The following TRHDE variants were observed in gnomAD, a reference collection of about 807,000 sequenced individuals.
The protein encoded by TRHDE is thyrotropin releasing hormone degrading enzyme.
A neutral mutation model predicts 125.7 loss-of-function variants in TRHDE; 72 were observed. The ratio of observed to expected loss-of-function variants is 0.57; its 90% CI spans 0.47 to 0.70. The LOEUF is 0.70. Among genes scored for constraint, TRHDE ranks in the 30% least tolerant of loss-of-function variants. TRHDE has a pLI of 0.00. For synonymous variants in TRHDE, 509 were observed against 509.1 expected (o/e 1.00, Z 0.00); for missense variants, 1,110 against 1,327.1 (o/e 0.84, Z 2.54).
chr12:72,104,373 G>C (rs1875135267), intron 1 of TRHDE, among the ~76,000 whole-genome samples: 1 of 152,264 alleles, frequency 6.6e-6, no homozygotes, highest in South Asian at 2.1e-4. Flanking sequence ...AGAGAATAGA[G>C]AGGGTAAAGC....
chr12:72,542,245 T>C (rs560117573), intron 6 of TRHDE, 46 bp from the exon 7 acceptor site: 2 of 1,441,784 alleles, frequency 1.4e-6, no homozygotes, highest in African/African-American at 1.4e-5. Flanking sequence ...TTTACAATCA[T>C]GATACTTTGT....
At chr12:72,516,927 G>A (rs1393983458) in intron 6 of TRHDE, among the ~76,000 whole-genome samples, 2 of 152,088 alleles carry the variant, frequency 1.3e-5, no homozygotes, top group Admixed American at 6.5e-5. Flanking sequence ...CTTTGGTTCT[G>A]TTTATATGCG....
chr12:72,196,225 T>C (rs1255779455), intron 2 of TRHDE, among the ~76,000 whole-genome samples: 1 of 152,132 alleles, frequency 6.6e-6, no homozygotes. Context: ...TTTGGTTCCA[T>C]ATGAATTTTA....
intron 10 of TRHDE, among the ~76,000 whole-genome samples, chr12:72,574,899 T>C: frequency 6.6e-6 from 1 of 152,212 alleles, no homozygotes; most frequent in South Asian, 2.1e-4. Flanking sequence ...ACCTCTTCTT[T>C]CATTCTAGTG....
At chr12:72,223,945 A>G (rs1233284887) in intron 2 of TRHDE, among the ~76,000 whole-genome samples, 1 of 151,004 alleles carries the variant, frequency 6.6e-6, no homozygotes, top group African/African-American at 2.4e-5. Context: ...TTTCTGGGCT[A>G]CTCTATCCCT....
At chr12:72,403,664 G>A (rs1873141355) in intron 3 of TRHDE, among the ~76,000 whole-genome samples, 1 of 152,166 alleles carries the variant, frequency 6.6e-6, no homozygotes, top group Non-Finnish European at 1.5e-5. Context: ...ACCTGGATTA[G>A]ATGCTGGAGT....
intron 2 of TRHDE, among the ~76,000 whole-genome samples, chr12:72,336,654 A>C (rs1869842051): frequency 6.6e-6 from 1 of 152,202 alleles, no homozygotes; most frequent in Admixed American, 6.5e-5. Flanking sequence ...GTCCAAAAGC[A>C]TGATGCCCAG....
intron 7 of TRHDE, 123 bp downstream of exon 7, chr12:72,542,479 A>G (rs776351310): frequency 3.0e-6 from 2 of 661,768 alleles, no homozygotes; most frequent in Admixed American, 5.9e-5. Flanking sequence ...TAAGTTAAGC[A>G]ATGTCTTTCT....
chr12:72,164,514 T>C (rs1212350294), intron 2 of TRHDE, among the ~76,000 whole-genome samples: 1 of 152,152 alleles, frequency 6.6e-6, no homozygotes, highest in African/African-American at 2.4e-5. Context: ...TGAACAGAAC[T>C]ACCTTACTTA....
Position 72,415,373 on chromosome 12 carries a change from T to G in TRHDE, c.1315+37252T>G, listed in dbSNP as rs79094842. On this transcript the variant is annotated intron_variant, in intron 3 of 18. Coordinates refer to ENST00000261180, the MANE Select transcript of TRHDE (RefSeq NM_013381.3). The stretch of plus-strand genomic sequence containing the variant: ...CACCTCAAACATTTATCATTTTTTT[T>G]GTTAGGAACATTCTAATCATTCTTT... Among the ~76,000 whole-genome samples the G allele has an allele frequency of 4.9e-3, 747 of 152,266 alleles. 11 individuals carry two copies. The highest frequency in any genetic ancestry group is 0.017 in the African/African-American group (707 of 41,568).
At chr12:72,384,411 T>C (rs1437332721) in intron 3 of TRHDE, among the ~76,000 whole-genome samples, 1 of 152,188 alleles carries the variant, frequency 6.6e-6, no homozygotes, top group East Asian at 1.9e-4. Context: ...AATGAATGAA[T>C]TAGAGACTCG....
At chr12:72,629,334 GGTGAT>G (rs1313311953) in intron 15 of TRHDE, among the ~76,000 whole-genome samples, 1 of 151,522 alleles carries the variant, frequency 6.6e-6, no homozygotes, top group African/African-American at 2.4e-5. Context: ...CTTTTTTGAA[GGTGAT>G]GTGATTTAAT....
chr12:72,238,297 T>C (rs192813026), intron 2 of TRHDE, among the ~76,000 whole-genome samples: 11 of 31,036 alleles, frequency 3.5e-4, no homozygotes, highest in South Asian at 1.1e-3. Flanking sequence ...TATATATATA[T>C]ATATATATAT....
At chr12:72,485,758 C>T (rs974439266) in intron 5 of TRHDE, among the ~76,000 whole-genome samples, 2 of 152,180 alleles carry the variant, frequency 1.3e-5, no homozygotes, top group African/African-American at 4.8e-5. Flanking sequence ...GATGTAACAT[C>T]TTGTTTCCTG....
chr12:72,186,946 TA>T (rs1336235366), intron 2 of TRHDE, among the ~76,000 whole-genome samples: 1 of 152,082 alleles, frequency 6.6e-6, no homozygotes, highest in Non-Finnish European at 1.5e-5. Flanking sequence ...AATTAGATGA[TA>T]GAAACTATCA....
intron 2 of TRHDE, among the ~76,000 whole-genome samples, chr12:72,131,065 AT>A (rs757285511): frequency 0.019 from 2,030 of 105,512 alleles, 3 homozygotes; most frequent in African/African-American, 0.026. Context: ...ACTTAATGTA[AT>A]TTTTTTTTTT....
intron 5 of TRHDE, among the ~76,000 whole-genome samples, chr12:72,484,278 A>C (rs1401590062): frequency 6.6e-6 from 1 of 152,210 alleles, no homozygotes; most frequent in African/African-American, 2.4e-5. Flanking sequence ...GAAATGTCCT[A>C]TCAGATTGTT....
Position 72,388,562 on chromosome 12 carries a change from GA to G in TRHDE, c.1315+10443del, listed in dbSNP as rs150094216. 1.8e-4 allele frequency among the ~76,000 whole-genome samples: 28 copies of G among 152,260 alleles called. No homozygotes were observed. In the East Asian group the frequency reaches 3.5e-3, roughly 19 times the overall value. Reference sequence around the variant, plus strand: ...ATTTTCACAACACAGGAGAGAAAGAGAAGGCAAAGCTTCAGCTGCTGTGTAA... The same window carrying G: ...ATTTTCACAACACAGGAGAGAAAGAGAGGCAAAGCTTCAGCTGCTGTGTAA... On this transcript the variant is annotated intron_variant, in intron 3 of 18. Transcript: ENST00000261180.
intron 2 of TRHDE, among the ~76,000 whole-genome samples, chr12:72,112,858 T>C (rs1212419424): frequency 6.6e-6 from 1 of 152,138 alleles, no homozygotes; most frequent in Non-Finnish European, 1.5e-5. Flanking sequence ...TGTGATCGTT[T>C]TACATTTTGT....
Sources: gnomAD v4.1 joint callset for allele counts (sites outside exome capture counted in the v4.1 genomes callset) on GRCh38, gnomAD v4.1.1 for gene constraint, MANE v1.5 for transcripts, NCBI Gene and HGNC (gene_info 2026-07-23, HGNC 2026-07-21) for gene names.